The following FAAH2 variants were observed in gnomAD, a reference collection of about 807,000 sequenced individuals.
FAAH2 encodes the protein fatty-acid amide hydrolase 2.
Under a neutral mutation model 36.9 loss-of-function variants are expected in FAAH2, and 60 were observed. That is an observed-to-expected ratio of 1.63 (90% CI 1.32 to 2.02). The LOEUF (loss-of-function observed/expected upper bound fraction) is 2.02. Among genes scored for constraint, FAAH2 ranks in the 30% most tolerant of loss-of-function variants. The probability of loss-of-function intolerance (pLI) is 0.00; values close to 1 mark genes in which losing one functional copy is unlikely to be tolerated. For synonymous variants in FAAH2, 214 were observed against 143.8 expected (o/e 1.49, Z -3.49); for missense variants, 689 against 397.5 (o/e 1.73, Z -6.23).
At chrX:57,385,519 G>T (rs750275129) in intron 7 of FAAH2, among the ~76,000 whole-genome samples, 4 of 111,566 alleles carry the variant, frequency 3.6e-5, no homozygotes, top group African/African-American at 6.5e-5. Context: ...GAGAAACATG[G>T]CAGAAGGGTG....
At chrX:57,140,336 A>G in the FAAH2 span, among the ~76,000 whole-genome samples, 4 of 106,683 alleles carry the variant, frequency 3.7e-5, 1 homozygote, top group Admixed American at 4.0e-4. Flanking sequence ...TCTCTTACCT[A>G]ATTGCTCTTG....
the FAAH2 span, among the ~76,000 whole-genome samples, chrX:57,131,377 G>T: frequency 9.0e-6 from 1 of 111,524 alleles, no homozygotes; most frequent in South Asian, 3.8e-4. Context: ...GAGCCACCGC[G>T]CCCGGCCGGG....
chrX:57,359,969 TG>T (rs1313493905), intron 5 of FAAH2, among the ~76,000 whole-genome samples: 3 of 107,679 alleles, frequency 2.8e-5, no homozygotes, highest in African/African-American at 1.0e-4. Flanking sequence ...TTTTTCAGGG[TG>T]TTTTTTTTTT....
the FAAH2 span, among the ~76,000 whole-genome samples, chrX:57,264,493 C>A: frequency 8.9e-6 from 1 of 112,431 alleles, no homozygotes; most frequent in African/African-American, 3.2e-5. Context: ...TACCATGTTG[C>A]ATCAGTCAAA....
the FAAH2 span, among the ~76,000 whole-genome samples, chrX:57,122,764 G>T: frequency 9.0e-6 from 1 of 111,415 alleles, no homozygotes; most frequent in African/African-American, 3.3e-5. Flanking sequence ...GGGATGAGTC[G>T]GATGTTAACA....
At chrX:57,409,390 G>A (rs1177148460) in intron 7 of FAAH2, among the ~76,000 whole-genome samples, 2 of 111,206 alleles carry the variant, frequency 1.8e-5, no homozygotes, top group East Asian at 2.8e-4. Flanking sequence ...TGATATCAGG[G>A]TAATGCTGGG....
the FAAH2 span, among the ~76,000 whole-genome samples, chrX:57,180,439 A>G: frequency 5.4e-5 from 6 of 111,738 alleles, no homozygotes; most frequent in Non-Finnish European, 1.1e-4. Context: ...ACCAATAAAC[A>G]CTCAGAAATA....
intron 3 of FAAH2, among the ~76,000 whole-genome samples, chrX:57,315,257 G>A (rs180918409): frequency 1.5e-4 from 17 of 110,933 alleles, no homozygotes; most frequent in South Asian, 7.5e-4. Flanking sequence ...AGATGGAATC[G>A]GTAATAAGAA....
the FAAH2 span, among the ~76,000 whole-genome samples, chrX:57,185,720 C>T: frequency 2.7e-5 from 3 of 109,784 alleles, no homozygotes; most frequent in Non-Finnish European, 5.7e-5. Flanking sequence ...CCCCCCACCC[C>T]CCAACAGGCC....
chrX:57,353,487 T>TAAAAAAAAAAAAAAAAAAAAAAAAAA (rs3035714), intron 5 of FAAH2, among the ~76,000 whole-genome samples: 1 of 83,836 alleles, frequency 1.2e-5, no homozygotes, highest in Non-Finnish European at 2.3e-5. Context: ...CCCAAATTAT[T>TAAAAAAAAAAAAAAAAAAAAAAAAAA]AAAAAAAAAA....
chrX:57,274,358 G>A, the FAAH2 span, among the ~76,000 whole-genome samples: 4 of 112,042 alleles, frequency 3.6e-5, no homozygotes. Context: ...CATTCCTTCT[G>A]AAACTATTCC....
At chrX:57,439,543 T>C (rs181342548) in intron 8 of FAAH2, among the ~76,000 whole-genome samples, 35 of 111,495 alleles carry the variant, frequency 3.1e-4, no homozygotes, top group Admixed American at 1.1e-3. Flanking sequence ...TTCTCCCATT[T>C]TGTAGGTTGC....
chrX:57,449,115 G>A (rs956100304), intron 10 of FAAH2, among the ~76,000 whole-genome samples: 11 of 111,335 alleles, frequency 9.9e-5, no homozygotes. Context: ...ATTCTCCAAG[G>A]GATCATTTAC....
At chrX:57,300,073 A>C (rs764665500) in intron 2 of FAAH2, among the ~76,000 whole-genome samples, 20 of 111,878 alleles carry the variant, frequency 1.8e-4, no homozygotes, top group East Asian at 5.6e-4. Context: ...ATTAAGCTAC[A>C]AATGACTTTC....
chrX:57,136,586 G>A, the FAAH2 span: 1 of 398,977 alleles, frequency 2.5e-6, no homozygotes, highest in Admixed American at 5.4e-5. Flanking sequence ...CCTGTGCGTT[G>A]GGGGTCTTCA....
At chrX:57,316,797 T>G (rs1268588131) in intron 3 of FAAH2, among the ~76,000 whole-genome samples, 1 of 110,562 alleles carries the variant, frequency 9.0e-6, no homozygotes, top group African/African-American at 3.3e-5. Flanking sequence ...GAAATACCCT[T>G]CTCTATATTG....
At chrX:57,198,737 C>T in the FAAH2 span, among the ~76,000 whole-genome samples, 4 of 112,535 alleles carry the variant, frequency 3.6e-5, no homozygotes, top group East Asian at 1.1e-3. Flanking sequence ...CTTAGAAATG[C>T]CATCCCTGAG....
chrX:57,298,915 A>G (rs2052235402), intron 2 of FAAH2, among the ~76,000 whole-genome samples: 1 of 110,463 alleles, frequency 9.1e-6, no homozygotes, highest in Non-Finnish European at 1.9e-5. Context: ...AAGAAGTTCA[A>G]TCTCTGAATA....
chrX:57,184,006 G>A, the FAAH2 span, among the ~76,000 whole-genome samples: 4 of 110,805 alleles, frequency 3.6e-5, no homozygotes, highest in African/African-American at 1.3e-4. Flanking sequence ...GTCTCCTTCA[G>A]TACCCTCAGG....
Sources: allele counts gnomAD v4.1 joint callset (sites outside exome capture counted in the v4.1 genomes callset), GRCh38; gene constraint gnomAD v4.1.1; transcripts MANE v1.5; gene names NCBI Gene and HGNC (gene_info 2026-07-23, HGNC 2026-07-21).